ANK2: variants seen among roughly 807,000 people sequenced by gnomAD.
The protein encoded by ANK2 is ankyrin-2.
In ANK2, 83 loss-of-function variants were observed where a neutral mutation model predicts 360.5. The ratio of observed to expected loss-of-function variants is 0.23; its 90% confidence interval spans 0.19 to 0.28. The LOEUF (loss-of-function observed/expected upper bound fraction) is 0.28, where lower values mean the gene tolerates loss of function less well. Ranked by LOEUF, ANK2 falls within the 10% of genes least tolerant of loss-of-function variation. ANK2 has a pLI of 1.00. For synonymous variants in ANK2, 1,740 were observed against 1,759.5 expected (o/e 0.99, Z 0.28); for missense variants, 4,201 against 4,795.7 (o/e 0.88, Z 3.66).
intron 1 of ANK2, among the ~76,000 whole-genome samples, chr4:112,902,362 C>T (rs901903162): frequency 1.3e-5 from 2 of 152,182 alleles, no homozygotes; most frequent in Admixed American, 6.5e-5. Flanking sequence ...ATTGATTTTC[C>T]TATGTTCCAC....
intron 1 of ANK2, among the ~76,000 whole-genome samples, chr4:113,172,597 TA>T (rs1218182114): frequency 6.6e-6 from 1 of 152,198 alleles, no homozygotes; most frequent in East Asian, 1.9e-4. Context: ...AAACCCTCAG[TA>T]AATGTTACCT....
intron 1 of ANK2, among the ~76,000 whole-genome samples, chr4:113,136,937 T>C (rs1026686352): frequency 4.6e-5 from 7 of 151,990 alleles, no homozygotes; most frequent in Non-Finnish European, 1.0e-4. Context: ...TTTGTATTTT[T>C]AGTAGAGACG....
At chr4:113,086,079 G>A (rs796501103) in intron 1 of ANK2, among the ~76,000 whole-genome samples, 3 of 152,230 alleles carry the variant, frequency 2.0e-5, no homozygotes, top group African/African-American at 7.2e-5. Context: ...CTGGTCCAAT[G>A]TTATATATTA....
chr4:113,288,536 C>G (rs1366774182), intron 20 of ANK2, 50 bp downstream of exon 20: 1 of 1,450,872 alleles, frequency 6.9e-7, no homozygotes, highest in South Asian at 1.1e-5. Flanking sequence ...AAGGTTCAGC[C>G]ATCTGGATGC....
At chr4:113,249,634 T>C in intron 9 of ANK2, 130 bp from the exon 10 acceptor site, 1 of 809,238 alleles carries the variant, frequency 1.2e-6, no homozygotes, top group Middle Eastern at 2.5e-4. Flanking sequence ...ATTTAACAAA[T>C]TGCAGTTCTA....
At chr4:113,291,328 A>G (rs1037670873) in intron 20 of ANK2, among the ~76,000 whole-genome samples, 1 of 152,228 alleles carries the variant, frequency 6.6e-6, no homozygotes. Flanking sequence ...GAGTCCCTGT[A>G]ATAGCCAAAG....
intron 26 of ANK2, among the ~76,000 whole-genome samples, chr4:113,327,306 C>T (rs573844564): frequency 1.3e-5 from 2 of 152,266 alleles, no homozygotes; most frequent in African/African-American, 4.8e-5. Context: ...CAAAGGAAAT[C>T]AATGTATTAG....
intron 1 of ANK2, among the ~76,000 whole-genome samples, chr4:112,846,866 T>C (rs1415219399): frequency 5.3e-5 from 8 of 152,196 alleles, no homozygotes; most frequent in Admixed American, 5.2e-4. Context: ...CATTCCCTAA[T>C]GTGTTATCCT....
At chr4:113,342,902 T>C in intron 33 of ANK2, 115 bp from the exon 34 acceptor site, 1 of 1,307,284 alleles carries the variant, frequency 7.6e-7, no homozygotes, top group Non-Finnish European at 1.1e-6. Flanking sequence ...AATTTAAAGA[T>C]GGTTGTATGT....
Position 113,083,909 on chromosome 4 carries a change from T to A in ANK2, c.84+34097T>A, listed in dbSNP as rs78925760. Among the ~76,000 whole-genome samples the A allele has an allele frequency of 3.7e-3, 570 of 152,314 alleles. 10 individuals carry two copies. Among genetic ancestry groups the A allele is most frequent in the Admixed American group, 0.026 (399 of 15,302 alleles). On this transcript the variant is annotated intron_variant, in intron 1 of 45. Transcript: ENST00000357077. ...TGATAGCTGCCATAACATAGAAGCA[T>A]AAAATTTCATGGTTTAGCACAAAAC...
chr4:113,232,126 G>T, intron 4 of ANK2, 35 bp from the exon 5 acceptor site: 1 of 1,437,204 alleles, frequency 7.0e-7, no homozygotes, highest in South Asian at 1.1e-5. Flanking sequence ...TTATACAAAT[G>T]ATTGAAGGTG....
intron 2 of ANK2, among the ~76,000 whole-genome samples, chr4:112,995,180 T>C (rs1353249833): frequency 5.3e-5 from 8 of 152,242 alleles, no homozygotes; most frequent in African/African-American, 1.9e-4. Flanking sequence ...CTTTGTGATG[T>C]CTCCAAACTG....
chr4:112,738,979 C>T, the ANK2 span: 2 of 700,352 alleles, frequency 2.9e-6, no homozygotes, highest in Non-Finnish European at 5.1e-6. Context: ...TGATGTGCAA[C>T]AAATCTTACT....
chr4:113,120,700 A>G (rs940189105), intron 1 of ANK2, among the ~76,000 whole-genome samples: 5 of 152,132 alleles, frequency 3.3e-5, no homozygotes, highest in African/African-American at 1.2e-4. Context: ...AGATTATTTC[A>G]TCACCCAGGT....
In ANK2 at chr4:113,111,434, A is replaced by C. The variant is rs577248478; in HGVS notation, c.84+61622A>C. Reference sequence around the variant, plus strand: ...ATAAAGGCACGACATAAATGAGCACACAAAAGCATCCTCAGTGACCTTGAG... The same window carrying C: ...ATAAAGGCACGACATAAATGAGCACCCAAAAGCATCCTCAGTGACCTTGAG... On this transcript the variant is annotated intron_variant, in intron 1 of 45. Transcript: ENST00000357077. Among the ~76,000 whole-genome samples the C allele has an allele frequency of 2.0e-5, 3 of 152,342 alleles. No individual in the cohort carries two copies. The South Asian group carries it at 6.2e-4, about 32-fold the overall frequency.
At chr4:113,023,214 T>A (rs914266558) in intron 2 of ANK2, among the ~76,000 whole-genome samples, 1 of 152,190 alleles carries the variant, frequency 6.6e-6, no homozygotes, top group African/African-American at 2.4e-5. Flanking sequence ...GGCTAAAGAT[T>A]ATAGTGAAAT....
At chr4:113,278,407 A>G (rs2153700402) in intron 16 of ANK2, 53 bp from the exon 17 acceptor site, 1 of 1,484,892 alleles carries the variant, frequency 6.7e-7, no homozygotes, top group Non-Finnish European at 9.4e-7. Context: ...TGGTAGCTTC[A>G]GGGCAGCTAA....
In ANK2 at chr4:113,348,891, T is replaced by C. The variant is rs530494304; in HGVS notation, c.4404+583T>C. Among the ~76,000 whole-genome samples the C allele has an allele frequency of 1.9e-4, 29 of 152,272 alleles. 2 individuals are homozygous for C. The South Asian group carries it at 5.2e-3, about 27-fold the overall frequency. ...ACACACCATCGGAAGTTTTTCAGGC[T>C]CCTCAGTAATTTTTGGGAGTGTAAA... On this transcript the variant is annotated intron_variant, in intron 36 of 45. Coordinates refer to ENST00000357077, the MANE Select transcript of ANK2 (RefSeq NM_001148.6).
chr4:112,848,212 C>A (rs1487521302), intron 1 of ANK2, among the ~76,000 whole-genome samples: 1 of 152,120 alleles, frequency 6.6e-6, no homozygotes, highest in Non-Finnish European at 1.5e-5. Flanking sequence ...TCCACCTCCA[C>A]CTCCTGGGTT....
Sources: gnomAD v4.1 joint callset for allele counts (sites outside exome capture counted in the v4.1 genomes callset) on GRCh38, gnomAD v4.1.1 for gene constraint, MANE v1.5 for transcripts, NCBI Gene and HGNC (gene_info 2026-07-23, HGNC 2026-07-21) for gene names.